The following ZFHX3 variants were observed in gnomAD, a reference collection of about 807,000 sequenced individuals.
ZFHX3 encodes zinc finger homeobox protein 3.
ZFHX3 carries 42 observed loss-of-function variants against 279.1 expected under a neutral mutation model. The ratio of observed to expected loss-of-function variants is 0.15; its 90% CI spans 0.12 to 0.19. ZFHX3 has a LOEUF of 0.19. Among genes scored for constraint, ZFHX3 ranks in the 10% least tolerant of loss-of-function variants. The probability of loss-of-function intolerance (pLI) is 1.00; values close to 1 mark genes in which losing one functional copy is unlikely to be tolerated. For synonymous variants in ZFHX3, 2,293 were observed against 1,957.8 expected (o/e 1.17, Z -4.52); for missense variants, 4,981 against 4,754.0 (o/e 1.05, Z -1.40).
chr16:73,838,769 TG>T (rs1427087631), intron 1 of ZFHX3, among the ~76,000 whole-genome samples: 1 of 126,034 alleles, frequency 7.9e-6, no homozygotes, highest in Non-Finnish European at 1.5e-5. Flanking sequence ...TGTCTGTGTG[TG>T]TGTGTGTGTG....
intron 4 of ZFHX3, among the ~76,000 whole-genome samples, chr16:72,870,764 T>C (rs999370545): frequency 2.0e-5 from 3 of 148,668 alleles, no homozygotes; most frequent in Non-Finnish European, 4.5e-5. Flanking sequence ...GACAGCTAAA[T>C]ATACCTTGTG....
chr16:73,755,008 C>T (rs148701557), intron 1 of ZFHX3, among the ~76,000 whole-genome samples: 1 of 152,268 alleles, frequency 6.6e-6, no homozygotes, highest in East Asian at 1.9e-4. Context: ...TCAAAGCACC[C>T]TCCTTACAAA....
chr16:73,392,683 T>G (rs935313746), intron 3 of ZFHX3, among the ~76,000 whole-genome samples: 3 of 152,134 alleles, frequency 2.0e-5, no homozygotes, highest in Non-Finnish European at 4.4e-5. Flanking sequence ...CCTATTGAAA[T>G]GGACCCCATC....
intron 5 of ZFHX3, among the ~76,000 whole-genome samples, chr16:73,174,030 A>C (rs921215162): frequency 6.6e-6 from 1 of 152,200 alleles, no homozygotes; most frequent in Non-Finnish European, 1.5e-5. Flanking sequence ...CCGGGCTCCC[A>C]AAATTCCCAA....
chr16:73,507,218 T>C (rs139612873), intron 2 of ZFHX3, among the ~76,000 whole-genome samples: 179 of 152,266 alleles, frequency 1.2e-3, no homozygotes, highest in Middle Eastern at 6.8e-3. Flanking sequence ...ACTGTATCAG[T>C]AAAGAGGAAG....
intron 8 of ZFHX3, among the ~76,000 whole-genome samples, chr16:73,079,861 A>T (rs1437811558): frequency 6.6e-6 from 1 of 152,168 alleles, no homozygotes. Flanking sequence ...GTTAGAGAAG[A>T]TGGTCATTAT....
At chr16:73,726,070 C>T (rs1220495707) in intron 1 of ZFHX3, among the ~76,000 whole-genome samples, 2 of 152,086 alleles carry the variant, frequency 1.3e-5, no homozygotes, top group African/African-American at 4.8e-5. Context: ...AAATGATTAG[C>T]CATGGAGAGG....
At chr16:73,883,357 G>A (rs958236147) in intron 1 of ZFHX3, among the ~76,000 whole-genome samples, 3 of 152,154 alleles carry the variant, frequency 2.0e-5, no homozygotes, top group Admixed American at 6.5e-5. Flanking sequence ...CCAGGAATGA[G>A]TTTAGCTGGT....
At chr16:73,254,943 C>A (rs140170728) in intron 5 of ZFHX3, among the ~76,000 whole-genome samples, 24 of 152,246 alleles carry the variant, frequency 1.6e-4, no homozygotes, top group African/African-American at 5.8e-4. Flanking sequence ...ATCCATCCAT[C>A]CATCCACCCA....
intron 3 of ZFHX3, among the ~76,000 whole-genome samples, chr16:73,367,696 A>C (rs1031607297): frequency 6.6e-6 from 1 of 152,188 alleles, no homozygotes; most frequent in African/African-American, 2.4e-5. Flanking sequence ...ATCACCAGTC[A>C]AATCAACGGT....
intron 3 of ZFHX3, among the ~76,000 whole-genome samples, chr16:73,394,585 C>T (rs932394671): frequency 6.6e-6 from 1 of 152,178 alleles, no homozygotes. Context: ...GTGTGAGCCA[C>T]TGCACCCAGC....
intron 3 of ZFHX3, among the ~76,000 whole-genome samples, chr16:72,897,487 T>G (rs2038927539): frequency 1.3e-5 from 2 of 152,070 alleles, no homozygotes; most frequent in Non-Finnish European, 2.9e-5. Context: ...TCATCCAGGA[T>G]GGAGTGCAGT....
At chr16:73,859,515 C>A (rs965432688) in intron 1 of ZFHX3, among the ~76,000 whole-genome samples, 8 of 152,180 alleles carry the variant, frequency 5.3e-5, no homozygotes, top group Admixed American at 6.5e-5. Flanking sequence ...TGCATTTCTC[C>A]ATCATCCAGT....
chr16:73,714,068 T>C (rs1042766909), intron 1 of ZFHX3, among the ~76,000 whole-genome samples: 14 of 152,106 alleles, frequency 9.2e-5, no homozygotes, highest in Non-Finnish European at 1.8e-4. Context: ...GCTGCCAGAC[T>C]CGTACTTACT....
At chr16:72,918,141 C>T (rs576053179) in intron 3 of ZFHX3, among the ~76,000 whole-genome samples, 5 of 152,150 alleles carry the variant, frequency 3.3e-5, no homozygotes, top group African/African-American at 7.2e-5. Context: ...GTGATCCACA[C>T]GAGTGAGGCC....
At position 72,784,699 on chromosome 16, in the gene ZFHX3, G is replaced by A. The variant is rs746747061; in HGVS notation, c.*2465C>T. 3 of 152,430 alleles carry A rather than the reference G, an allele frequency of 2.0e-5. No individual in the cohort carries two copies. The highest frequency in any genetic ancestry group is 4.4e-5 in the Non-Finnish European group (3 of 67,992). The allele number at this position is 152,430 out of a possible 1,614,324, so 9.4% of individuals were successfully genotyped here. On this transcript the variant is annotated 3_prime_UTR_variant, in exon 10 of 10. Transcript: ENST00000268489. ...GAAATAGCTTGTTAAAACAGTAAAT[G>A]TTTTGCGTACTTGCTTTTGACACCT...
At chr16:73,352,035 G>C (rs2016251263) in intron 3 of ZFHX3, among the ~76,000 whole-genome samples, 1 of 152,236 alleles carries the variant, frequency 6.6e-6, no homozygotes, top group Admixed American at 6.5e-5. Flanking sequence ...TGCAGGAATA[G>C]TGGCAAGCCT....
At chr16:73,280,723 C>A (rs1251156628) in intron 4 of ZFHX3, among the ~76,000 whole-genome samples, 1 of 151,920 alleles carries the variant, frequency 6.6e-6, no homozygotes, top group Admixed American at 6.6e-5. Flanking sequence ...TCACAAAGTT[C>A]TGTATCCCAG....
intron 8 of ZFHX3, among the ~76,000 whole-genome samples, chr16:73,076,839 G>C (rs1028367284): frequency 6.6e-6 from 1 of 152,066 alleles, no homozygotes; most frequent in African/African-American, 2.4e-5. Flanking sequence ...GCTGTGCGCA[G>C]CGGCATTAAC....
Sources: gnomAD v4.1 joint callset for allele counts (sites outside exome capture counted in the v4.1 genomes callset) on GRCh38, gnomAD v4.1.1 for gene constraint, MANE v1.5 for transcripts, NCBI Gene and HGNC (gene_info 2026-07-23, HGNC 2026-07-21) for gene names.